The following AMPD3 variants were observed in gnomAD, a reference collection of about 807,000 sequenced individuals.
AMPD3 encodes the protein adenosine monophosphate deaminase 3.
AMPD3 carries 57 observed loss-of-function variants against 82.3 expected under a neutral mutation model. The observed-to-expected ratio is 0.69, with a 90% confidence interval of 0.56 to 0.86. The LOEUF is 0.86. Ranked by LOEUF, AMPD3 falls within the 40% of genes least tolerant of loss-of-function variation. AMPD3 has a pLI of 0.00. For missense variants in AMPD3, 870 were observed against 1,003.8 expected, an observed-to-expected ratio of 0.87 and a Z score of 1.80; for synonymous variants, 381 against 394.7, an observed-to-expected ratio of 0.97 and a Z score of 0.41.
intron 2 of AMPD3, among the ~76,000 whole-genome samples, chr11:10,470,034 C>A (rs555610076): frequency 4.7e-5 from 6 of 126,666 alleles, no homozygotes; most frequent in African/African-American, 1.7e-4. Context: ...AGCGAGACTC[C>A]GTCTCAAAAA....
intron 2 of AMPD3, among the ~76,000 whole-genome samples, chr11:10,471,626 A>C (rs1009532401): frequency 2.0e-5 from 3 of 152,250 alleles, no homozygotes; most frequent in African/African-American, 7.2e-5. Flanking sequence ...CCCATCAAAA[A>C]GTGGGCAAAG....
chr11:10,459,828 A>G (rs1848206085), intron 1 of AMPD3, among the ~76,000 whole-genome samples: 1 of 152,010 alleles, frequency 6.6e-6, no homozygotes, highest in Non-Finnish European at 1.5e-5. Context: ...GCCTGGGTTC[A>G]GATCCCTGAG....
At chr11:10,451,077 GGC>G, upstream of AMPD3, 1 of 1,561,768 alleles carries the variant, frequency 6.4e-7, no homozygotes, top group Non-Finnish European at 8.6e-7. Flanking sequence ...GCTGACCTTG[GGC>G]CAGCCCCGCG....
upstream of AMPD3, among the ~76,000 whole-genome samples, chr11:10,451,399 A>T (rs1024037634): frequency 1.3e-5 from 2 of 152,228 alleles, no homozygotes; most frequent in Non-Finnish European, 2.9e-5. Context: ...TGGACAGCTG[A>T]GGTGGACTTC....
Position 10,485,275 on chromosome 11 carries a change from C to T in AMPD3, c.809+236C>T, listed in dbSNP as rs554199031. Among the ~76,000 whole-genome samples the T allele has an allele frequency of 2.0e-5, 3 of 152,254 alleles. No individual in the cohort carries two copies. The South Asian group carries it at 6.2e-4, about 32-fold the overall frequency. On this transcript the variant is annotated intron_variant, in intron 5 of 14. Coordinates refer to ENST00000396553, the MANE Select transcript of AMPD3 (RefSeq NM_001025389.2). ...CCCTCTTTTGTTTTTGAGGCACCAT[C>T]TTGCTCTGTTGCCCAGGCTGGGGTG...
At chr11:10,478,492 A>C (rs1036729478) in intron 2 of AMPD3, 34 bp from the exon 3 acceptor site, 2 of 1,612,664 alleles carry the variant, frequency 1.2e-6, no homozygotes, top group African/African-American at 2.7e-5. Flanking sequence ...TTAGCTTCTG[A>C]TGTCTCCCAC....
chr11:10,451,015 C>A, upstream of AMPD3: 1 of 1,580,904 alleles, frequency 6.3e-7, no homozygotes, highest in Non-Finnish European at 8.5e-7. Flanking sequence ...CCCTTTCGGC[C>A]GGCGGCATGG....
In AMPD3 at chr11:10,502,145, A is replaced by C. The variant is rs371440286; in HGVS notation, c.1842+555A>C. 9 of 985,382 alleles carry C rather than the reference A, an allele frequency of 9.1e-6. No individual in the cohort carries two copies. The Admixed American group carries it at 1.8e-4, about 20-fold the overall frequency. 61.0% of individuals were successfully genotyped at this position (985,382 alleles called of 1,614,324 possible). On this transcript the variant is annotated intron_variant, in intron 12 of 14. Coordinates refer to ENST00000396553, the MANE Select transcript of AMPD3 (RefSeq NM_001025389.2). ...TTCTCCGTATTTTGGATCACTTTCCATTGGCACGATGTTTGATCAAAATGC... is the reference window on the plus strand; with the variant it reads ...TTCTCCGTATTTTGGATCACTTTCCCTTGGCACGATGTTTGATCAAAATGC...
chr11:10,489,685 C>CT (rs113988346), intron 6 of AMPD3, among the ~76,000 whole-genome samples: 16,253 of 146,316 alleles, frequency 0.11, 1,047 homozygotes, highest in African/African-American at 0.18. Flanking sequence ...CTCTGTCTCT[C>CT]TTTTTTTTTT....
chr11:10,452,282 C>T (rs962641271), upstream of AMPD3, among the ~76,000 whole-genome samples: 2 of 152,008 alleles, frequency 1.3e-5, no homozygotes, highest in Non-Finnish European at 2.9e-5. Flanking sequence ...ATGTAGCCTT[C>T]GGGTTAACAG....
In AMPD3 at chr11:10,497,012, G is replaced by A. The variant is rs76506571; in HGVS notation, c.1557+74G>A. ...AATGGATTCGCTGTGAGCTGGGTCA[G>A]GCTTGCTCCTGCCCTTCACGATGGT... On this transcript the variant is annotated intron_variant, in intron 10 of 14. Coordinates refer to ENST00000396553, the MANE Select transcript of AMPD3 (RefSeq NM_001025389.2). 1.1e-4 allele frequency: 168 copies of A among 1,570,710 alleles called. 4 individuals carry two copies. In the South Asian group the frequency reaches 1.4e-3, roughly 13 times the overall value.
rs188044561 is a variant in AMPD3 at position 10,494,649 on chromosome 11, G to A, written c.1135-250G>A. 1.4e-5 allele frequency: 14 copies of A among 985,394 alleles called. No individual in the cohort carries two copies. In the Admixed American group the frequency reaches 6.1e-4, roughly 43 times the overall value. 61.0% of individuals were successfully genotyped at this position (985,394 alleles called of 1,614,324 possible). Reference sequence around the variant, plus strand: ...CACTAAGTCAGCCATGTCCTGAGCCGAGCTGTGGTAACTTGCAGGTGGGGC... The same window carrying A: ...CACTAAGTCAGCCATGTCCTGAGCCAAGCTGTGGTAACTTGCAGGTGGGGC... On this transcript the variant is annotated intron_variant, in intron 7 of 14. Coordinates refer to ENST00000396553, the MANE Select transcript of AMPD3 (RefSeq NM_001025389.2).
rs1849737056 is a variant in AMPD3 at position 10,507,379 on chromosome 11, A to G, written c.*1495A>G. 6.6e-6 allele frequency: 1 copy of G among 151,970 alleles called. No homozygotes were observed. Among genetic ancestry groups the G allele is most frequent in the East Asian group, 1.9e-4 (1 of 5,186 alleles). The allele number at this position is 151,970 out of a possible 1,614,324, so 9.4% of individuals were successfully genotyped here. On this transcript the variant is annotated 3_prime_UTR_variant, in exon 15 of 15. Coordinates refer to ENST00000396553, the MANE Select transcript of AMPD3 (RefSeq NM_001025389.2). ...ATGGAAGTATAAATGCAGTCTTTTT[A>G]CTAGGCAGATATATATGCTATCTTA... is the stretch of plus-strand genomic sequence containing the variant.
intron 2 of AMPD3, chr11:10,473,336 C>G: frequency 1.1e-6 from 1 of 932,962 alleles, no homozygotes; most frequent in Non-Finnish European, 1.3e-6. Context: ...ACAGATAGTA[C>G]AGATTGCACT....
At position 10,461,558 on chromosome 11, in the gene AMPD3, G is replaced by A. The variant is rs1848271377; in HGVS notation, c.39G>A (p.Val13=). ...RQFPKLNISE[V]DEQVRLLAEK... is the part of the protein sequence containing the mutation. ...TTCCCAAGCTGAACATCTCTGAAGT[G>A]GATGAGCAAGTCCGGCTCCTGGCGG... Residue 13 remains valine, a synonymous_variant, in exon 2 of 15, where the codon GTG becomes GTA. Transcript: ENST00000396553. The A allele has an allele frequency of 1.2e-6, 2 of 1,614,090 alleles. No homozygotes were observed. Among genetic ancestry groups the A allele is most frequent in the African/African-American group, 2.7e-5 (2 of 74,926 alleles).
At chr11:10,464,296 G>A (rs1591443267) in intron 2 of AMPD3, among the ~76,000 whole-genome samples, 1 of 152,090 alleles carries the variant, frequency 6.6e-6, no homozygotes, top group Non-Finnish European at 1.5e-5. Context: ...TTCTCACATC[G>A]AGCTTATCAA....
chr11:10,499,947 G>T, intron 10 of AMPD3, 139 bp from the exon 11 acceptor site: 1 of 1,518,458 alleles, frequency 6.6e-7, no homozygotes, highest in East Asian at 2.5e-5. Flanking sequence ...CCTCAGGCAG[G>T]CCAAGGGGTC....
chr11:10,502,978 G>T (rs1379849900), intron 13 of AMPD3, 84 bp downstream of exon 13: 2 of 1,502,466 alleles, frequency 1.3e-6, no homozygotes, highest in Middle Eastern at 1.9e-4. Context: ...CTGAGCCCAT[G>T]GCTTAGTTCT....
Position 10,493,477 on chromosome 11 carries a change from G to A in AMPD3, c.1068G>A (p.Arg356=), listed in dbSNP as rs1849299865. The A allele has an allele frequency of 1.9e-6, 3 of 1,614,232 alleles. No individual in the cohort carries two copies. The highest frequency in any genetic ancestry group is 1.1e-5 in the South Asian group (1 of 91,088). Residue 356 remains arginine, a synonymous_variant, in exon 7 of 15, where the codon CGG becomes CGA. Coordinates refer to ENST00000396553, the MANE Select transcript of AMPD3 (RefSeq NM_001025389.2). ...AGCGGGGCCGGAAGATCACCCTGCG[G>A]CAGGTGTTTGACGGCCTGCACATGG... ...AEKRGRKITL[R]QVFDGLHMDP...
Sources: allele counts gnomAD v4.1 joint callset (sites outside exome capture counted in the v4.1 genomes callset), GRCh38; gene constraint gnomAD v4.1.1; transcripts MANE v1.5; gene names NCBI Gene and HGNC (gene_info 2026-07-23, HGNC 2026-07-21).